Variants in HTATIP2 observed in about 807,000 individuals in gnomAD.
The protein encoded by HTATIP2 is protein HTATIP2.
In HTATIP2, 26 loss-of-function variants were observed where a neutral mutation model predicts 24.7. The ratio of observed to expected loss-of-function variants is 1.05; its 90% CI spans 0.77 to 1.46. The LOEUF (loss-of-function observed/expected upper bound fraction) is 1.46. Among genes scored for constraint, HTATIP2 ranks in the 40% most tolerant of loss-of-function variants. The pLI, the probability that HTATIP2 is intolerant of heterozygous loss-of-function variation, is 0.00. For synonymous variants in HTATIP2, 99 were observed against 113.2 expected, an observed-to-expected ratio of 0.87 and a Z score of 0.79; for missense variants, 284 against 289.6, an observed-to-expected ratio of 0.98 and a Z score of 0.14.
intron 2 of HTATIP2, among the ~76,000 whole-genome samples, chr11:20,372,791 A>G (rs1320451511): frequency 6.6e-6 from 1 of 152,196 alleles, no homozygotes; most frequent in African/African-American, 2.4e-5. Context: ...AAAGGGCATG[A>G]ATAAGATTTT....
chr11:20,377,129 C>T (rs797013803), intron 3 of HTATIP2, among the ~76,000 whole-genome samples: 10 of 144,234 alleles, frequency 6.9e-5, no homozygotes, highest in Non-Finnish European at 1.1e-4. Flanking sequence ...ACTTTCTTTT[C>T]TTTTTTTTTT....
chr11:20,380,565 G>A (rs1402148647), intron 3 of HTATIP2, among the ~76,000 whole-genome samples: 3 of 151,756 alleles, frequency 2.0e-5, no homozygotes, highest in African/African-American at 4.8e-5. Flanking sequence ...CCAGCTGCTC[G>A]GGAGGCTGAG....
In HTATIP2 at chr11:20,364,440, T is replaced by A. The variant is rs577039737; in HGVS notation, c.195+8T>A. ...GAAGCTTATAAAAATGTGGTGGGTA[T>A]TTCAGCTGGGACTCAAATGGACCCC... On this transcript the variant is annotated splice_region_variant and intron_variant, in intron 1 of 4. Transcript: ENST00000451739. 6 of 1,596,664 alleles carry A rather than the reference T, an allele frequency of 3.8e-6. No homozygotes were observed. The South Asian group carries it at 6.7e-5, about 18-fold the overall frequency.
chr11:20,364,252 A>G lies in HTATIP2; in HGVS notation c.15A>G (p.Glu5=), dbSNP rs747641513. Residue 5 remains glutamate (E), a synonymous_variant, in exon 1 of 5, where the codon GAA becomes GAG. Coordinates refer to ENST00000451739, the MANE Select transcript of HTATIP2 (RefSeq NM_001098522.2). MAET[E]ALSKLREDFR... is the part of the protein sequence containing the mutation. ...ATTTCCCCAGCATGGCCGAAACAGAAGCCCTGTCGAAGCTTCGGGAAGACT... is the reference window on the plus strand; with the variant it reads ...ATTTCCCCAGCATGGCCGAAACAGAGGCCCTGTCGAAGCTTCGGGAAGACT... 1 of 1,605,216 alleles carries G rather than the reference A, an allele frequency of 6.2e-7. No individual in the cohort carries two copies. The highest frequency in any genetic ancestry group is 2.2e-5 in the East Asian group (1 of 44,646).
In HTATIP2 at chr11:20,383,155, A is replaced by G. The variant is rs1848548275; in HGVS notation, c.679A>G (p.Asn227Asp). The G allele has an allele frequency of 6.2e-7, 1 of 1,613,902 alleles. No individual in the cohort carries two copies. The highest frequency in any genetic ancestry group is 1.7e-5 in the Admixed American group (1 of 59,986). ...PRDKQMELLE[N>D]KAIHDLGKAH... ...AGACAAGCAGATGGAACTGCTGGAGAACAAGGCCATCCATGACCTGGGGAA... is the reference window on the plus strand; with the variant it reads ...AGACAAGCAGATGGAACTGCTGGAGGACAAGGCCATCCATGACCTGGGGAA... The change falls in exon 5 of 5, where the codon AAC (asparagine) becomes GAC (aspartate). Residue 227 changes from asparagine to aspartate, a missense_variant. By Grantham distance (23) the Asn-to-Asp change is conservative (BLOSUM62 1). Coordinates refer to ENST00000451739, the MANE Select transcript of HTATIP2 (RefSeq NM_001098522.2).
chr11:20,381,142 TA>T (rs67937849), intron 3 of HTATIP2, among the ~76,000 whole-genome samples: 130,087 of 151,526 alleles, frequency 0.86, 56,786 homozygotes, highest in Non-Finnish European at 0.94. Context: ...AACCACCTAT[TA>T]AAAAAAAAAG....
chr11:20,380,566 GGAGGCT>G (rs1042754204), intron 3 of HTATIP2, among the ~76,000 whole-genome samples: 29 of 151,638 alleles, frequency 1.9e-4, no homozygotes, highest in African/African-American at 6.5e-4. Context: ...CAGCTGCTCG[GGAGGCT>G]GAGGCAGGAG....
chr11:20,379,592 G>C (rs1848490683), intron 3 of HTATIP2, among the ~76,000 whole-genome samples: 1 of 152,156 alleles, frequency 6.6e-6, no homozygotes, highest in Admixed American at 6.5e-5. Context: ...GGCCAGCTCT[G>C]GGGGCTTGGA....
rs1242861199 is a variant in HTATIP2, at chr11:20,364,368, T to C, written c.131T>C (p.Phe44Ser). 2 of 1,613,356 alleles carry C rather than the reference T, an allele frequency of 1.2e-6. No homozygotes were observed. The highest frequency in any genetic ancestry group is 1.3e-5 in the African/African-American group (1 of 75,014). Residue 44 changes from phenylalanine (F) to serine (S), a missense_variant, in exon 1 of 5, where the codon TTT (phenylalanine) becomes TCT (serine). Coordinates refer to ENST00000451739, the MANE Select transcript of HTATIP2 (RefSeq NM_001098522.2). ...LLKEILEQGL[F>S]SKVTLIGRRK... is the part of the protein sequence containing the mutation. ...AAGGAAATCCTGGAGCAGGGCCTGT[T>C]TTCCAAAGTCACGCTCATTGGCCGG...
Position 20,376,670 on chromosome 11 carries a change from T to C in HTATIP2, c.394T>C (p.Ser132Pro), listed in dbSNP as rs574384732. Residue 132 changes from serine (S) to proline (P), a missense_variant, in exon 3 of 5, where the codon TCT (serine) becomes CCT (proline). Coordinates refer to ENST00000451739, the MANE Select transcript of HTATIP2 (RefSeq NM_001098522.2). ...GGCKHFNLLS[S>P]KGADKSSNFL... ...GTGCAAACATTTCAACTTGCTATCC[T>C]CTAAAGGAGCTGATAAATCAAGCAA... 1.2e-6 allele frequency: 2 copies of C among 1,613,028 alleles called. No homozygotes were observed. Among genetic ancestry groups the C allele is most frequent in the South Asian group, 2.2e-5 (2 of 90,942 alleles).
chr11:20,365,108 C>T (rs147358850), intron 1 of HTATIP2, among the ~76,000 whole-genome samples: 9,086 of 151,976 alleles, frequency 0.06, 295 homozygotes, highest in African/African-American at 0.071. Context: ...CTCAGCCTCC[C>T]GAGTAACTGG....
Position 20,367,490 on chromosome 11 carries a change from C to G in HTATIP2, c.303+209C>G, listed in dbSNP as rs995806428. 19 of 1,453,922 alleles carry G rather than the reference C, an allele frequency of 1.3e-5. No individual in the cohort carries two copies. In the African/African-American group the frequency reaches 2.1e-4, roughly 16 times the overall value. 90.1% of individuals were successfully genotyped at this position (1,453,922 alleles called of 1,614,324 possible). ...TCAAAGTAATCCTTGAGTTCAGGCC[C>G]CAGTGCTGGAGACGTCGTAAATATT... On this transcript the variant is annotated intron_variant, in intron 2 of 4. Coordinates refer to ENST00000451739, the MANE Select transcript of HTATIP2 (RefSeq NM_001098522.2).
intron 2 of HTATIP2, among the ~76,000 whole-genome samples, chr11:20,373,382 C>A (rs1397783822): frequency 6.6e-6 from 1 of 152,118 alleles, no homozygotes; most frequent in East Asian, 1.9e-4. Context: ...TTGGAGACGA[C>A]AGCACTCTAT....
chr11:20,378,251 A>G (rs1297061946), intron 3 of HTATIP2, among the ~76,000 whole-genome samples: 1 of 152,186 alleles, frequency 6.6e-6, no homozygotes, highest in Non-Finnish European at 1.5e-5. Flanking sequence ...GAAGAATGGA[A>G]AAGTTTCCAC....
At chr11:20,367,830 A>C (rs1169592435) in intron 2 of HTATIP2, among the ~76,000 whole-genome samples, 2 of 152,242 alleles carry the variant, frequency 1.3e-5, no homozygotes, top group African/African-American at 4.8e-5. Context: ...AAAGTCTTTT[A>C]ACGCACATTT....
intron 2 of HTATIP2, among the ~76,000 whole-genome samples, chr11:20,373,457 T>G (rs1487866361): frequency 6.6e-6 from 1 of 152,204 alleles, no homozygotes; most frequent in East Asian, 1.9e-4. Context: ...CAAATTATCC[T>G]TTTACTGGCT....
intron 2 of HTATIP2, among the ~76,000 whole-genome samples, chr11:20,373,687 C>A (rs578193858): frequency 5.3e-5 from 8 of 152,156 alleles, no homozygotes; most frequent in Non-Finnish European, 1.2e-4. Flanking sequence ...TCATTAAAAT[C>A]AGAGTTCTGA....
rs537986454 is a variant in HTATIP2 at position 20,376,659 on chromosome 11, A to G, written c.383A>G (p.Asn128Ser). The change falls in exon 3 of 5, where the codon AAC becomes AGC. Residue 128 changes from asparagine to serine, a missense_variant. Physicochemically the swap from Asn to Ser is conservative, Grantham distance 46. Coordinates refer to ENST00000451739, the MANE Select transcript of HTATIP2 (RefSeq NM_001098522.2). ...AAAGCTGGAGGGTGCAAACATTTCAACTTGCTATCCTCTAAAGGAGCTGAT... is the reference window on the plus strand; with the variant it reads ...AAAGCTGGAGGGTGCAAACATTTCAGCTTGCTATCCTCTAAAGGAGCTGAT... Reference protein sequence around the residue: ...LAKAGGCKHFNLLSSKGADKS... With the variant: ...LAKAGGCKHFSLLSSKGADKS... 6 of 1,613,926 alleles carry G rather than the reference A, an allele frequency of 3.7e-6. No individual in the cohort carries two copies. In the Admixed American group the frequency reaches 6.7e-5, roughly 18 times the overall value.
At chr11:20,367,686 A>G (rs2064726019) in intron 2 of HTATIP2, 1 of 1,122,814 alleles carries the variant, frequency 8.9e-7, no homozygotes, top group Non-Finnish European at 1.1e-6. Flanking sequence ...ATTTGCTTCA[A>G]CTTATTTTCA....
Sources: gnomAD v4.1 joint callset for allele counts (sites outside exome capture counted in the v4.1 genomes callset) on GRCh38, gnomAD v4.1.1 for gene constraint, MANE v1.5 for transcripts, NCBI Gene and HGNC (gene_info 2026-07-23, HGNC 2026-07-21) for gene names.